The following KLF17 variants were observed in gnomAD, a reference collection of about 807,000 sequenced individuals.
The protein encoded by KLF17 is Krueppel-like factor 17.
Under a neutral mutation model 34.2 loss-of-function variants are expected in KLF17, and 31 were observed. The observed-to-expected ratio is 0.91, with a 90% CI of 0.68 to 1.22. KLF17 has a LOEUF of 1.22. Ranked by LOEUF, KLF17 falls within the 50% of genes most tolerant of loss-of-function variation. The probability of loss-of-function intolerance (pLI) is 0.00; values close to 1 mark genes in which losing one functional copy is unlikely to be tolerated. For missense variants in KLF17, 478 were observed against 505.2 expected, an observed-to-expected ratio of 0.95 and a Z score of 0.52; for synonymous variants, 179 against 186.7, an observed-to-expected ratio of 0.96 and a Z score of 0.34.
chr1:44,119,444 A>G (rs574391861), intron 1 of KLF17, among the ~76,000 whole-genome samples: 195 of 151,986 alleles, frequency 1.3e-3, no homozygotes, highest in African/African-American at 4.3e-3. Context: ...TTGGAGCCCT[A>G]CTAAGTGGTA....
chr1:44,130,429 AACCTGG>A (rs1417642973), intron 2 of KLF17, 77 bp from the exon 3 acceptor site: 1 of 1,563,632 alleles, frequency 6.4e-7, no homozygotes, highest in Non-Finnish European at 8.8e-7. Flanking sequence ...TTGAATCCTC[AACCTGG>A]ACTGCTCTGC....
intron 1 of KLF17, among the ~76,000 whole-genome samples, chr1:44,127,827 G>C (rs2088045605): frequency 1.5e-5 from 1 of 67,774 alleles, no homozygotes; most frequent in African/African-American, 5.6e-5. Context: ...TTTGATTGTT[G>C]TTACGTTTTC....
chr1:44,108,563 T>C, the KLF17 span, among the ~76,000 whole-genome samples: 1 of 151,764 alleles, frequency 6.6e-6, no homozygotes, highest in South Asian at 2.1e-4. Context: ...GTTAGGAGCC[T>C]GGTTTCATGG....
intron 2 of KLF17, 128 bp downstream of exon 2, chr1:44,130,324 C>T (rs1019808961): frequency 4.4e-6 from 6 of 1,367,182 alleles, no homozygotes; most frequent in Non-Finnish European, 2.9e-6. Context: ...GCTAGACTGG[C>T]CCCCCGACTT....
the KLF17 span, among the ~76,000 whole-genome samples, chr1:44,109,318 C>G: frequency 6.6e-6 from 1 of 152,150 alleles, no homozygotes; most frequent in Non-Finnish European, 1.5e-5. Flanking sequence ...TGCCCAAACT[C>G]CCAGAAAACA....
chr1:44,073,715 C>G, the KLF17 span, among the ~76,000 whole-genome samples: 43 of 152,074 alleles, frequency 2.8e-4, no homozygotes, highest in Non-Finnish European at 4.6e-4. Flanking sequence ...CTGCACTCCC[C>G]TGGGGAGCCC....
Position 44,129,760 on chromosome 1 carries a change from C to T in KLF17, c.489C>T (p.Ser163=). 1 of 1,614,140 alleles carries T rather than the reference C, an allele frequency of 6.2e-7. No individual in the cohort carries two copies. The highest frequency in any genetic ancestry group is 8.5e-7 in the Non-Finnish European group (1 of 1,180,014). Residue 163 remains serine, a synonymous_variant, in exon 2 of 4, where the codon TCC becomes TCT. Coordinates refer to ENST00000372299, the MANE Select transcript of KLF17 (RefSeq NM_173484.4). ...MPPNGLPVSA[S]TGIPIMSHTG... is the part of the protein sequence containing the mutation. ...CCAATGGGCTGCCAGTCTCGGCTTCCACTGGAATCCCAATAATGTCCCACA... is the reference window on the plus strand; with the variant it reads ...CCAATGGGCTGCCAGTCTCGGCTTCTACTGGAATCCCAATAATGTCCCACA...
At chr1:44,124,987 G>A (rs934392245) in intron 1 of KLF17, among the ~76,000 whole-genome samples, 2 of 152,034 alleles carry the variant, frequency 1.3e-5, no homozygotes, top group Non-Finnish European at 2.9e-5. Flanking sequence ...TTTATGCATC[G>A]TATGTCAAAA....
chr1:44,053,552 C>G, the KLF17 span, among the ~76,000 whole-genome samples: 1 of 152,196 alleles, frequency 6.6e-6, no homozygotes, highest in African/African-American at 2.4e-5. Flanking sequence ...GCCCATATCC[C>G]CTACTGCCGG....
At chr1:44,069,469 C>CGAGAGAGAGAGAGA in the KLF17 span, among the ~76,000 whole-genome samples, 4 of 127,184 alleles carry the variant, frequency 3.1e-5, no homozygotes, top group African/African-American at 9.1e-5. This position sits in a 1 kb window ranked among gnomAD's most constrained non-coding sequence, Gnocchi z 4.7. Context: ...TGTTACATGG[C>CGAGAGAGAGAGAGA]GAGAGAGAGA....
intron 1 of KLF17, among the ~76,000 whole-genome samples, chr1:44,119,388 G>A (rs1341228451): frequency 1.4e-5 from 2 of 147,932 alleles, no homozygotes; most frequent in Non-Finnish European, 3.0e-5. Context: ...GTTAGGAAGT[G>A]AGCAGGAAAC....
the KLF17 span, among the ~76,000 whole-genome samples, chr1:44,054,834 C>T: frequency 7.2e-6 from 1 of 139,832 alleles, no homozygotes; most frequent in Admixed American, 7.8e-5. Flanking sequence ...GGCTGGAATG[C>T]AGTGGCCTGA....
chr1:44,068,955 T>A, the KLF17 span, among the ~76,000 whole-genome samples: 1 of 152,170 alleles, frequency 6.6e-6, no homozygotes, highest in African/African-American at 2.4e-5. Context: ...TGAGTGGCCT[T>A]AGAATCCTTA....
chr1:44,129,966 T>A lies in KLF17; in HGVS notation c.695T>A (p.Val232Asp). The A allele has an allele frequency of 6.2e-7, 1 of 1,613,982 alleles. No homozygotes were observed. Among genetic ancestry groups the A allele is most frequent in the Non-Finnish European group, 8.5e-7 (1 of 1,180,010 alleles). ...MPPAESQSLL[V>D]LGSQDSLVSQ... ...CCAGCTGAGTCCCAGTCATTGCTGG[T>A]TTTAGGATCTCAGGACTCTCTTGTC... Residue 232 changes from valine (V) to aspartate (D), a missense_variant, in exon 2 of 4, where the codon GTT becomes GAT. By Grantham distance (152) the Val-to-Asp change is radical. Transcript: ENST00000372299.
the KLF17 span, among the ~76,000 whole-genome samples, chr1:44,057,429 G>A: frequency 6.6e-6 from 1 of 152,130 alleles, no homozygotes; most frequent in Non-Finnish European, 1.5e-5. Flanking sequence ...AAAGGAGGTA[G>A]CAGTTAGTCA....
chr1:44,097,605 A>AT, the KLF17 span, among the ~76,000 whole-genome samples: 57 of 134,182 alleles, frequency 4.2e-4, no homozygotes, highest in African/African-American at 9.6e-4. Context: ...AAAGAATGAA[A>AT]TTAAAAAAAA....
chr1:44,122,019 C>T (rs1471825382), intron 1 of KLF17: 3 of 667,794 alleles, frequency 4.5e-6, no homozygotes, highest in Non-Finnish European at 7.8e-6. Flanking sequence ...AATAAATTTC[C>T]TTTTCCTTTA....
Position 44,129,664 on chromosome 1 carries a change from A to G in KLF17, c.393A>G (p.Gln131=), listed in dbSNP as rs781212561. Residue 131 remains glutamine (Q), a synonymous_variant, in exon 2 of 4, where the codon CAA becomes CAG. Transcript: ENST00000372299. ...AGATGACGATTTTCAGTGGGCCCCA[A>G]CTAATGCCCGTAGGAGAGCCCAATA... ...QQEMTIFSGP[Q]LMPVGEPNIP... is the part of the protein sequence containing the mutation. 6.2e-7 allele frequency: 1 copy of G among 1,614,156 alleles called. No individual in the cohort carries two copies. The highest frequency in any genetic ancestry group is 1.1e-5 in the South Asian group (1 of 91,084).
At chr1:44,070,783 C>G in the KLF17 span, among the ~76,000 whole-genome samples, 1 of 151,442 alleles carries the variant, frequency 6.6e-6, no homozygotes, top group Non-Finnish European at 1.5e-5. Flanking sequence ...GAGGCACCAA[C>G]AAAGAAGGAC....
Sources: allele counts gnomAD v4.1 joint callset (sites outside exome capture counted in the v4.1 genomes callset), GRCh38; gene constraint gnomAD v4.1.1; non-coding constraint Gnocchi (gnomAD v3.1); transcripts MANE v1.5; gene names NCBI Gene and HGNC (gene_info 2026-07-23, HGNC 2026-07-21).